Variants in MACROD2 observed in about 807,000 individuals in gnomAD.
MACROD2 encodes the protein mono-ADP ribosylhydrolase 2.
In MACROD2, 36 loss-of-function variants were observed where a neutral mutation model predicts 70.4. The ratio of observed to expected loss-of-function variants is 0.51; its 90% CI spans 0.39 to 0.68. MACROD2 has a LOEUF of 0.68. Ranked by LOEUF, MACROD2 falls within the 30% of genes least tolerant of loss-of-function variation. The pLI, the probability that MACROD2 is intolerant of heterozygous loss-of-function variation, is 0.00. For missense variants in MACROD2, 496 were observed against 538.4 expected (o/e 0.92, Z 0.78); for synonymous variants, 172 against 178.8 (o/e 0.96, Z 0.30).
intron 5 of MACROD2, among the ~76,000 whole-genome samples, chr20:15,021,946 T>A (rs994101367): frequency 6.6e-5 from 10 of 152,052 alleles, no homozygotes; most frequent in Non-Finnish European, 1.0e-4. Context: ...GAGGAGTGTA[T>A]GGGAACTCTC....
intron 8 of MACROD2, among the ~76,000 whole-genome samples, chr20:15,572,724 G>C (rs2048391679): frequency 6.6e-6 from 1 of 151,982 alleles, no homozygotes; most frequent in Admixed American, 6.6e-5. Context: ...TTTTATATTT[G>C]AATGTGAAAA....
intron 3 of MACROD2, among the ~76,000 whole-genome samples, chr20:14,157,879 A>G (rs896629757): frequency 6.6e-6 from 1 of 152,196 alleles, no homozygotes; most frequent in African/African-American, 2.4e-5. Context: ...TAGTGCTGGA[A>G]TAAACATGAG....
At chr20:14,750,722 A>AG (rs11087106) in intron 5 of MACROD2, among the ~76,000 whole-genome samples, 89,333 of 151,784 alleles carry the variant, frequency 0.59, 26,661 homozygotes, top group Non-Finnish European at 0.62. Flanking sequence ...AGCCTCCCAA[A>AG]TGCTGGGATT....
At chr20:14,061,004 G>A (rs1416761630) in intron 2 of MACROD2, among the ~76,000 whole-genome samples, 4 of 151,974 alleles carry the variant, frequency 2.6e-5, no homozygotes, top group Non-Finnish European at 5.9e-5. Context: ...ACAAAAAAGG[G>A]GGGAGTGTGT....
intron 12 of MACROD2, among the ~76,000 whole-genome samples, chr20:15,944,381 GT>G (rs2147348022): frequency 6.6e-6 from 1 of 152,214 alleles, no homozygotes; most frequent in South Asian, 2.1e-4. Flanking sequence ...AACTCTCAAT[GT>G]TTTTCTAGGC....
At chr20:15,256,206 T>C in intron 6 of MACROD2, among the ~76,000 whole-genome samples, 1 of 152,098 alleles carries the variant, frequency 6.6e-6, no homozygotes, top group East Asian at 1.9e-4. Context: ...TCAGTTTATA[T>C]TGAGTTTTTT....
At chr20:15,280,064 A>G (rs1302849878) in intron 6 of MACROD2, among the ~76,000 whole-genome samples, 2 of 152,244 alleles carry the variant, frequency 1.3e-5, no homozygotes, top group East Asian at 1.9e-4. Flanking sequence ...AATCTGAATT[A>G]TATTTGTAAA....
intron 13 of MACROD2, among the ~76,000 whole-genome samples, chr20:15,977,714 C>T (rs78448774): frequency 0.035 from 5,310 of 152,152 alleles, 303 homozygotes; most frequent in African/African-American, 0.12. Context: ...AACTACATCA[C>T]GGTGTGATCA....
chr20:15,601,952 C>T lies in MACROD2; in HGVS notation c.645+102105C>T, dbSNP rs137879098. Among the ~76,000 whole-genome samples the T allele has an allele frequency of 9.9e-3, 1,507 of 152,082 alleles. 14 individuals carry two copies. Among genetic ancestry groups the T allele is most frequent in the Non-Finnish European group, 0.013 (885 of 67,988 alleles). On this transcript the variant is annotated intron_variant, in intron 8 of 17. Coordinates refer to ENST00000684519, the MANE Select transcript of MACROD2 (RefSeq NM_001351661.2). ...CTGAGGCAGGAGAATTGCTTAAATC[C>T]GGGAGGTGGAGGTTCCAGTGAGCCG...
intron 15 of MACROD2, among the ~76,000 whole-genome samples, chr20:16,005,951 T>C (rs1373379735): frequency 6.6e-6 from 1 of 152,196 alleles, no homozygotes; most frequent in African/African-American, 2.4e-5. Context: ...TTTATGTTTT[T>C]CCCATCTCAT....
intron 5 of MACROD2, among the ~76,000 whole-genome samples, chr20:15,084,701 G>A (rs552756042): frequency 2.6e-5 from 4 of 152,204 alleles, no homozygotes; most frequent in Non-Finnish European, 5.9e-5. Flanking sequence ...GTGGAAAAAA[G>A]TTATTTTTTT....
At chr20:14,032,172 A>G (rs761235174) in intron 2 of MACROD2, among the ~76,000 whole-genome samples, 66 of 151,880 alleles carry the variant, frequency 4.3e-4, no homozygotes, top group Non-Finnish European at 8.2e-4. Flanking sequence ...ATGGCTGTGT[A>G]TGTTTTACTA....
chr20:14,440,324 T>C (rs1282146496), intron 3 of MACROD2, among the ~76,000 whole-genome samples: 2 of 152,308 alleles, frequency 1.3e-5, no homozygotes, highest in East Asian at 3.9e-4. Flanking sequence ...TCATAAACTT[T>C]CTTAAAACAT....
intron 4 of MACROD2, among the ~76,000 whole-genome samples, chr20:14,540,984 G>A (rs891815977): frequency 6.6e-6 from 1 of 152,164 alleles, no homozygotes; most frequent in Non-Finnish European, 1.5e-5. Context: ...GCAATATCTA[G>A]TGCTTATGAA....
intron 8 of MACROD2, among the ~76,000 whole-genome samples, chr20:15,746,810 T>C (rs2051191255): frequency 6.6e-6 from 1 of 152,072 alleles, no homozygotes; most frequent in Non-Finnish European, 1.5e-5. Flanking sequence ...TGAGCCAGAC[T>C]GAGAGCTGAG....
At chr20:15,004,711 CTT>C (rs2075022615) in intron 5 of MACROD2, among the ~76,000 whole-genome samples, 1 of 152,058 alleles carries the variant, frequency 6.6e-6, no homozygotes, top group Non-Finnish European at 1.5e-5. Flanking sequence ...TTCTAGAACT[CTT>C]TGGTTGTGAT....
At chr20:15,173,970 A>G (rs1189994576) in intron 5 of MACROD2, among the ~76,000 whole-genome samples, 1 of 152,210 alleles carries the variant, frequency 6.6e-6, no homozygotes, top group Non-Finnish European at 1.5e-5. Flanking sequence ...AAGTGTCTGT[A>G]TTCTCTAAGC....
rs2041420 is a variant in MACROD2, at chr20:15,840,196, G to T, written c.646-22549G>T. Among the ~76,000 whole-genome samples, 4 of 152,234 alleles carry T rather than the reference G, an allele frequency of 2.6e-5. No individual in the cohort carries two copies. In the East Asian group the frequency reaches 7.7e-4, roughly 29 times the overall value. ...ACAGAATGTCTGACCAGCCCATGAG[G>T]ATTTGACAAGCAGCAGTTACAGCAT... On this transcript the variant is annotated intron_variant, in intron 8 of 17. Transcript: ENST00000684519.
At chr20:14,041,887 G>T (rs2053396123) in intron 2 of MACROD2, among the ~76,000 whole-genome samples, 1 of 152,070 alleles carries the variant, frequency 6.6e-6, no homozygotes, top group African/African-American at 2.4e-5. Flanking sequence ...CTTCCATTAT[G>T]GGGTTGATGG....
Sources: allele counts gnomAD v4.1 joint callset (sites outside exome capture counted in the v4.1 genomes callset), GRCh38; gene constraint gnomAD v4.1.1; transcripts MANE v1.5; gene names NCBI Gene and HGNC (gene_info 2026-07-23, HGNC 2026-07-21).